The following DGAT2L6 variants were observed in gnomAD, a reference collection of about 807,000 sequenced individuals.
The protein encoded by DGAT2L6 is diacylglycerol O-acyltransferase 2-like protein 6.
A neutral mutation model predicts 25.5 loss-of-function variants in DGAT2L6; 22 were observed. That is an observed-to-expected ratio of 0.86 (90% confidence interval 0.62 to 1.23). DGAT2L6 has a LOEUF of 1.23. DGAT2L6 is among the 50% of genes most tolerant of loss of function. DGAT2L6 has a pLI of 0.00. For missense variants in DGAT2L6, 287 were observed against 253.2 expected (o/e 1.13, Z -0.91); for synonymous variants, 100 against 94.7 (o/e 1.06, Z -0.32).
chrX:70,195,400 A>T (rs1209721), intron 1 of DGAT2L6, among the ~76,000 whole-genome samples: 1 of 108,960 alleles, frequency 9.2e-6, no homozygotes, highest in African/African-American at 3.4e-5. Flanking sequence ...CAGTATTATT[A>T]GTAATAGCCA....
intron 1 of DGAT2L6, 74 bp downstream of exon 1, chrX:70,177,741 G>T: frequency 1.1e-6 from 1 of 921,735 alleles, no homozygotes; most frequent in East Asian, 3.2e-5. Context: ...GATGAGGAGG[G>T]TTCCAAAGAG....
chrX:70,205,139 A>G lies in DGAT2L6; in HGVS notation c.*33A>G. The G allele has an allele frequency of 1.7e-6, 2 of 1,155,524 alleles. No homozygotes were observed. The highest frequency in any genetic ancestry group is 2.3e-6 in the Non-Finnish European group (2 of 868,565). On this transcript the variant is annotated 3_prime_UTR_variant, in exon 7 of 7. Transcript: ENST00000333026. ...CACATTCCCCATTGATCAACCCCCA[A>G]AGCCATGAGGGATCCAAGTAGAGCC...
At chrX:70,197,345 G>T (rs747421950) in intron 1 of DGAT2L6, among the ~76,000 whole-genome samples, 10 of 111,638 alleles carry the variant, frequency 9.0e-5, no homozygotes, top group Non-Finnish European at 1.3e-4. Context: ...ACTCGGGCTG[G>T]GTCTGGAAGC....
At chrX:70,191,084 A>C (rs1363653634) in intron 1 of DGAT2L6, among the ~76,000 whole-genome samples, 1 of 112,495 alleles carries the variant, frequency 8.9e-6, no homozygotes, top group Non-Finnish European at 1.9e-5. Flanking sequence ...AAATGCACAG[A>C]AACCAGTGAA....
intron 1 of DGAT2L6, among the ~76,000 whole-genome samples, chrX:70,196,397 G>A (rs1025474446): frequency 8.6e-5 from 9 of 104,677 alleles, no homozygotes; most frequent in African/African-American, 3.1e-4. Flanking sequence ...TGGGGGGATC[G>A]CTTGAGCCCA....
chrX:70,203,945 G>C (rs1038256300), intron 5 of DGAT2L6, among the ~76,000 whole-genome samples: 1 of 109,648 alleles, frequency 9.1e-6, no homozygotes, highest in South Asian at 4.0e-4. Context: ...AGGAGGGAAG[G>C]CTAGAGCAAA....
chrX:70,200,111 C>A, intron 3 of DGAT2L6, 144 bp from the exon 4 acceptor site: 2 of 664,725 alleles, frequency 3.0e-6, no homozygotes, highest in Non-Finnish European at 4.5e-6. Context: ...TGAGCCCTGG[C>A]AATCCTATGA....
At chrX:70,183,736 A>G (rs1311844376) in intron 1 of DGAT2L6, among the ~76,000 whole-genome samples, 2 of 111,275 alleles carry the variant, frequency 1.8e-5, no homozygotes, top group Non-Finnish European at 3.8e-5. Context: ...CTGGTACTGT[A>G]AAAAATAGAA....
At chrX:70,196,681 T>C (rs967744735) in intron 1 of DGAT2L6, among the ~76,000 whole-genome samples, 1 of 110,535 alleles carries the variant, frequency 9.0e-6, no homozygotes, top group East Asian at 2.8e-4. Context: ...GCTTTTGCTG[T>C]AAAAAGGACC....
At chrX:70,184,666 A>T (rs766746703) in intron 1 of DGAT2L6, among the ~76,000 whole-genome samples, 30 of 109,652 alleles carry the variant, frequency 2.7e-4, no homozygotes, top group Non-Finnish European at 2.7e-4. Flanking sequence ...AGGTCTCACT[A>T]TGTTGCCTGG....
rs186095435 is a variant in DGAT2L6, at chrX:70,201,516, G to T, written c.473-374G>T. Among the ~76,000 whole-genome samples the T allele has an allele frequency of 5.0e-3, 555 of 111,430 alleles. 4 individuals are homozygous for T. The highest frequency in any genetic ancestry group is 0.018 in the Middle Eastern group (4 of 218). On this transcript the variant is annotated intron_variant, in intron 4 of 6. Coordinates refer to ENST00000333026, the MANE Select transcript of DGAT2L6 (RefSeq NM_198512.3). Reference sequence around the variant, plus strand: ...TAGTCTCGATTACCCCTGGAGGAGAGAACTCTGGAGGATCTCCAGTGTTGT... The same window carrying T: ...TAGTCTCGATTACCCCTGGAGGAGATAACTCTGGAGGATCTCCAGTGTTGT...
At chrX:70,203,559 C>T (rs1042195138) in intron 5 of DGAT2L6, among the ~76,000 whole-genome samples, 2 of 111,463 alleles carry the variant, frequency 1.8e-5, no homozygotes, top group Non-Finnish European at 3.8e-5. Flanking sequence ...ATGCCAGGGC[C>T]TAGGGATTCA....
rs1189463854 is a variant in DGAT2L6, at chrX:70,204,464, C to T, written c.807C>T (p.Phe269=). ...TCTGTACCTTCCATGGCCGGGGCTTCACTCGCGGATCCTGGGGCTTCCTGC... is the reference window on the plus strand; with the variant it reads ...TCTGTACCTTCCATGGCCGGGGCTTTACTCGCGGATCCTGGGGCTTCCTGC... ...LNFCTFHGRG[F]TRGSWGFLPF... Residue 269 remains phenylalanine, a synonymous_variant, in exon 6 of 7, where the codon TTC becomes TTT. Coordinates refer to ENST00000333026, the MANE Select transcript of DGAT2L6 (RefSeq NM_198512.3). 1 of 1,211,536 alleles carries T rather than the reference C, an allele frequency of 8.3e-7. No homozygotes were observed. Among genetic ancestry groups the T allele is most frequent in the Non-Finnish European group, 1.1e-6 (1 of 895,549 alleles).
intron 4 of DGAT2L6, among the ~76,000 whole-genome samples, 170 bp from the exon 5 acceptor site, chrX:70,201,720 C>T (rs752137631): frequency 4.5e-5 from 5 of 111,188 alleles, no homozygotes; most frequent in African/African-American, 1.6e-4. Context: ...AAGGACCAAT[C>T]TTAGGCTAGG....
intron 1 of DGAT2L6, among the ~76,000 whole-genome samples, chrX:70,195,809 A>G (rs1475799449): frequency 8.9e-6 from 1 of 111,806 alleles, no homozygotes; most frequent in East Asian, 2.8e-4. Flanking sequence ...GCTGGGGCAG[A>G]GGGAAAATAA....
At chrX:70,196,582 G>T (rs2085392832) in intron 1 of DGAT2L6, among the ~76,000 whole-genome samples, 1 of 107,983 alleles carries the variant, frequency 9.3e-6, no homozygotes, top group Non-Finnish European at 1.9e-5. Flanking sequence ...ATGACATGAG[G>T]TTAGACAAAG....
At chrX:70,199,978 C>A (rs182094563) in intron 3 of DGAT2L6, 96 bp downstream of exon 3, 12 of 918,595 alleles carry the variant, frequency 1.3e-5, no homozygotes, top group Non-Finnish European at 1.8e-5. Flanking sequence ...TGGTCAGCAG[C>A]GAAGGTCAAG....
chrX:70,177,511 A>G lies in DGAT2L6; in HGVS notation c.-72A>G. On this transcript the variant is annotated 5_prime_UTR_variant, in exon 1 of 7. Transcript: ENST00000333026. Reference sequence around the variant, plus strand: ...AGTAAGAGATTATAGCAAAGCATCTATAATCAACTCAGCTTAAGAAGTTTT... The same window carrying G: ...AGTAAGAGATTATAGCAAAGCATCTGTAATCAACTCAGCTTAAGAAGTTTT... 1 of 978,166 alleles carries G rather than the reference A, an allele frequency of 1.0e-6. No homozygotes were observed. The highest frequency in any genetic ancestry group is 1.4e-6 in the Non-Finnish European group (1 of 693,646). The allele number at this position is 978,166 out of a possible 1,213,427, so 80.6% of individuals were successfully genotyped here.
chrX:70,202,212 G>C, intron 5 of DGAT2L6, 148 bp downstream of exon 5: 1 of 472,542 alleles, frequency 2.1e-6, no homozygotes, highest in South Asian at 8.7e-5. Context: ...TTGTGCCTTA[G>C]GGATGTTTGG....
Sources: allele counts gnomAD v4.1 joint callset (sites outside exome capture counted in the v4.1 genomes callset), GRCh38; gene constraint gnomAD v4.1.1; transcripts MANE v1.5; gene names NCBI Gene and HGNC (gene_info 2026-07-23, HGNC 2026-07-21).